Variants in PLK5 observed in about 807,000 individuals in gnomAD.
PLK5 encodes the protein polo like kinase 5 (inactive).
Under a neutral mutation model 33.7 loss-of-function variants are expected in PLK5, and 28 were observed. The ratio of observed to expected loss-of-function variants is 0.83; its 90% CI spans 0.62 to 1.14. The LOEUF (loss-of-function observed/expected upper bound fraction) is 1.14, where lower values mean the gene tolerates loss of function less well. Ranked by LOEUF, PLK5 falls within the 50% of genes most tolerant of loss-of-function variation. PLK5 has a pLI of 0.00. For synonymous variants in PLK5, 225 were observed against 202.2 expected, an observed-to-expected ratio of 1.11 and a Z score of -0.96; for missense variants, 492 against 461.5, an observed-to-expected ratio of 1.07 and a Z score of -0.61.
intron 11 of PLK5, 99 bp downstream of exon 11, chr19:1,529,923 T>C: frequency 7.7e-7 from 1 of 1,292,740 alleles, no homozygotes; most frequent in South Asian, 1.4e-5. Context: ...TTTCTGGGGG[T>C]GAGGAGTAGG....
intron 3 of PLK5, among the ~76,000 whole-genome samples, 188 bp from the exon 4 acceptor site, chr19:1,526,298 A>G (rs1321809152): frequency 7.9e-6 from 1 of 126,066 alleles, no homozygotes; most frequent in Non-Finnish European, 1.6e-5. Context: ...CCCGTGGGGA[A>G]AGGTTCGTGC....
At chr19:1,526,652 C>T (rs115552365) in intron 4 of PLK5, 37 bp downstream of exon 4, 4,519 of 369,202 alleles carry the variant, frequency 0.012, 213 homozygotes, top group African/African-American at 0.09. Flanking sequence ...GCGGGGGCGT[C>T]GGGAGGTGGG....
At chr19:1,533,796 A>G in intron 12 of PLK5, 135 bp from the exon 13 acceptor site, 1 of 698,410 alleles carries the variant, frequency 1.4e-6, no homozygotes, top group South Asian at 1.7e-5. Flanking sequence ...CTGGGCGCCA[A>G]GCTGGCCGTG....
At position 1,524,437 on chromosome 19, in the gene PLK5, T is replaced by C. The variant is rs180951370; in HGVS notation, c.-544+191T>C. ...ATGGCGGGAACCGTGTTGAGCGCGC[T>C]GTGCGTCGTGTCCGTGGGTTGCGTG... On this transcript the variant is annotated intron_variant, in intron 1 of 13. Coordinates refer to ENST00000454744, the MANE Select transcript of PLK5 (RefSeq NM_001243079.2). The surrounding 1 kb of genome is among the most constrained non-coding windows in gnomAD (Gnocchi z 4.5). Among the ~76,000 whole-genome samples the C allele has an allele frequency of 2.8e-4, 42 of 152,138 alleles. No individual in the cohort carries two copies. Among genetic ancestry groups the C allele is most frequent in the African/African-American group, 1.0e-3 (42 of 41,554 alleles).
chr19:1,533,803 C>T (rs1055941905), intron 12 of PLK5, 128 bp from the exon 13 acceptor site: 11 of 720,694 alleles, frequency 1.5e-5, no homozygotes, highest in Admixed American at 1.3e-4. Flanking sequence ...CCAAGCTGGC[C>T]GTGCTGCAGC....
In PLK5 at chr19:1,528,366, C is replaced by T. The variant is rs116095010; in HGVS notation, c.266C>T (p.Pro89Leu). 0.022 allele frequency: 33,447 copies of T among 1,535,628 alleles called. 424 individuals carry two copies. Among genetic ancestry groups the T allele is most frequent in the Non-Finnish European group, 0.025 (29,033 of 1,146,650 alleles). The change falls in exon 8 of 14, where the codon CCG becomes CTG. Residue 89 changes from proline (P) to leucine (L), a missense_variant. Pro to Leu is a moderately conservative substitution (Grantham distance 98). Transcript: ENST00000454744. Reference protein sequence around the residue: ...CHSPPIFAIPPPLGRIFRKVG... With the variant: ...CHSPPIFAIPLPLGRIFRKVG... ...AGTCCCCCCATCTTCGCCATACCCC[C>T]GCCTCTGGGCAGGATCTTCCGGAAG...
At chr19:1,530,306 T>C (rs1913889576) in intron 11 of PLK5, among the ~76,000 whole-genome samples, 1 of 152,178 alleles carries the variant, frequency 6.6e-6, no homozygotes, top group African/African-American at 2.4e-5. Context: ...TTTCTTTCTT[T>C]TTTTTTAAGA....
chr19:1,525,878 T>G (rs111265019), intron 3 of PLK5, among the ~76,000 whole-genome samples, 167 bp downstream of exon 3: 3 of 152,266 alleles, frequency 2.0e-5, no homozygotes, highest in African/African-American at 7.2e-5. Context: ...TGTCCATCCT[T>G]TACTCACCTG....
At chr19:1,526,232 C>T (rs777275602) in intron 3 of PLK5, among the ~76,000 whole-genome samples, 4 of 152,148 alleles carry the variant, frequency 2.6e-5, no homozygotes, top group Non-Finnish European at 5.9e-5. Flanking sequence ...TGTCCACCAG[C>T]GCCGTGTTCA....
intron 8 of PLK5, 41 bp from the exon 9 acceptor site, chr19:1,528,857 G>T: frequency 7.0e-7 from 1 of 1,436,742 alleles, no homozygotes; most frequent in South Asian, 1.4e-5. Flanking sequence ...CCAGCTTGGG[G>T]CCCAGGCTGT....
At chr19:1,530,663 A>G (rs1166708324) in intron 11 of PLK5, among the ~76,000 whole-genome samples, 2 of 114,544 alleles carry the variant, frequency 1.7e-5, no homozygotes, top group Middle Eastern at 8.2e-3. Context: ...TCTGTCGCCC[A>G]GGCTGGAGTG....
chr19:1,528,180 G>C lies in PLK5; in HGVS notation c.201+46G>C, dbSNP rs1185655754. Reference sequence around the variant, plus strand: ...TGGGGTCCCTGGCGTGGGGTCCCTGGCAGGTGATGAGCCAGAGCCTGCCCT... The same window carrying C: ...TGGGGTCCCTGGCGTGGGGTCCCTGCCAGGTGATGAGCCAGAGCCTGCCCT... On this transcript the variant is annotated intron_variant, in intron 7 of 13. Transcript: ENST00000454744. 7 of 1,530,196 alleles carry C rather than the reference G, an allele frequency of 4.6e-6. No individual in the cohort carries two copies. The East Asian group carries it at 1.7e-4, about 38-fold the overall frequency. The allele number at this position is 1,530,196 out of a possible 1,614,324, so 94.8% of individuals were successfully genotyped here.
chr19:1,533,133 T>A (rs1913982224), intron 12 of PLK5, among the ~76,000 whole-genome samples: 1 of 152,124 alleles, frequency 6.6e-6, no homozygotes, highest in Non-Finnish European at 1.5e-5. Context: ...AGACTCTGTC[T>A]CTTTTTTTTG....
chr19:1,529,591 G>T, intron 10 of PLK5, 101 bp downstream of exon 10: 1 of 1,428,760 alleles, frequency 7.0e-7, no homozygotes, highest in South Asian at 1.2e-5. Context: ...CACAGCCGCC[G>T]TCCCGGCCTC....
rs1913677420 is a variant in PLK5, at chr19:1,524,494, G to T, written c.-544+248G>T. Among the ~76,000 whole-genome samples, 1 of 152,132 alleles carries T rather than the reference G, an allele frequency of 6.6e-6. No individual in the cohort carries two copies. The highest frequency in any genetic ancestry group is 2.1e-4 in the South Asian group (1 of 4,824). On this transcript the variant is annotated intron_variant, in intron 1 of 13. Coordinates refer to ENST00000454744, the MANE Select transcript of PLK5 (RefSeq NM_001243079.2). This position sits in a 1 kb window ranked among gnomAD's most constrained non-coding sequence, Gnocchi z 4.5. ...GTGTGGGCGTGCGGCTCGGCCTCGG[G>T]ATGCGACGCTGTGTTGCCCCTGGGT...
At chr19:1,525,759 CTCTG>C (rs1190569354) in intron 3 of PLK5, 48 bp downstream of exon 3, 1 of 152,742 alleles carries the variant, frequency 6.5e-6, no homozygotes, top group Non-Finnish European at 1.5e-5. Context: ...CTGTGCCCGT[CTCTG>C]TCCACCCCGT....
chr19:1,529,666 G>A (rs1486824867), intron 10 of PLK5, 81 bp from the exon 11 acceptor site: 3 of 1,446,214 alleles, frequency 2.1e-6, no homozygotes, highest in Non-Finnish European at 2.8e-6. Context: ...CCTGGATGGA[G>A]CCGTGGGGAG....
In PLK5 at chr19:1,524,594, G is replaced by A. The variant is rs927471186; in HGVS notation, c.-544+348G>A. On this transcript the variant is annotated intron_variant, in intron 1 of 13. Transcript: ENST00000454744. This position sits in a 1 kb window ranked among gnomAD's most constrained non-coding sequence, Gnocchi z 4.5. ...GCTTCCAAGTGTCTGGGTGCTGTGC[G>A]GTGTTCGTGTGTGTGTGTGTGTGTG... Among the ~76,000 whole-genome samples, 136 of 116,290 alleles carry A rather than the reference G, an allele frequency of 1.2e-3. No homozygotes were observed. The highest frequency in any genetic ancestry group is 1.9e-3 in the Non-Finnish European group (110 of 57,400). The allele number at this position is 116,290 out of a possible 152,430, so 76.3% of individuals were successfully genotyped here. A position where few individuals can be genotyped will look rare whatever the true frequency, so the allele number is the denominator to read the frequency against.
At position 1,534,038 on chromosome 19, in the gene PLK5, G is replaced by A. The variant is rs1290069659; in HGVS notation, c.822G>A (p.Val274=). 5.9e-6 allele frequency: 9 copies of A among 1,535,402 alleles called. No individual in the cohort carries two copies. The highest frequency in any genetic ancestry group is 7.8e-6 in the Non-Finnish European group (9 of 1,146,588). ...TGCTGCTGTTCAGCAATGGGATGGT[G>A]CAGGTGAGCCCGGGGCTCAAACTCG... The part of the protein sequence containing the change: ...ALLLLFSNGM[V]QVSFSGVPAQ... The change falls in exon 13 of 14, where the codon GTG becomes GTA. Residue 274 remains valine (V), a synonymous_variant. Coordinates refer to ENST00000454744, the MANE Select transcript of PLK5 (RefSeq NM_001243079.2).
Sources: gnomAD v4.1 joint callset for allele counts (sites outside exome capture counted in the v4.1 genomes callset) on GRCh38, gnomAD v4.1.1 for gene constraint, Gnocchi (gnomAD v3.1) non-coding constraint, MANE v1.5 for transcripts, NCBI Gene and HGNC (gene_info 2026-07-23, HGNC 2026-07-21) for gene names.